The following ESRRG variants were observed in gnomAD, a reference collection of about 807,000 sequenced individuals.
The protein encoded by ESRRG is estrogen-related receptor gamma.
ESRRG carries 13 observed loss-of-function variants against 44.0 expected under a neutral mutation model. The observed-to-expected ratio is 0.30, with a 90% CI of 0.19 to 0.47. The LOEUF (loss-of-function observed/expected upper bound fraction) is 0.47, where lower values mean the gene tolerates loss of function less well. ESRRG is among the 20% of genes least tolerant of loss of function. ESRRG has a pLI of 1.00. For missense variants in ESRRG, 395 were observed against 580.6 expected (o/e 0.68, Z 3.29); for synonymous variants, 215 against 214.6 (o/e 1.00, Z -0.02).
intron 1 of ESRRG, among the ~76,000 whole-genome samples, chr1:216,959,021 A>G (rs1167969436): frequency 6.6e-6 from 1 of 151,902 alleles, no homozygotes; most frequent in African/African-American, 2.4e-5. Context: ...TTATTTTTAC[A>G]CTTATTTTTA....
chr1:216,896,232 T>C (rs1454885842), intron 2 of ESRRG, among the ~76,000 whole-genome samples: 2 of 152,232 alleles, frequency 1.3e-5, no homozygotes, highest in African/African-American at 4.8e-5. Flanking sequence ...CTCATGTTAC[T>C]GGAAACATCT....
intron 2 of ESRRG, among the ~76,000 whole-genome samples, chr1:216,757,300 G>C (rs1424138523): frequency 6.6e-6 from 1 of 151,874 alleles, no homozygotes; most frequent in East Asian, 1.9e-4. Flanking sequence ...ACTTCTGATG[G>C]GAGACTGACA....
intron 2 of ESRRG, among the ~76,000 whole-genome samples, chr1:216,664,807 C>T (rs767096777): frequency 2.0e-5 from 3 of 151,786 alleles, no homozygotes; most frequent in Non-Finnish European, 2.9e-5. Context: ...GAAAACAGTA[C>T]GGGAGTTCTT....
intron 3 of ESRRG, among the ~76,000 whole-genome samples, chr1:216,609,125 C>A (rs983599207): frequency 6.6e-6 from 1 of 152,054 alleles, no homozygotes; most frequent in African/African-American, 2.4e-5. Context: ...ATGTTCATAC[C>A]AGCTGTGCTT....
intron 1 of ESRRG, among the ~76,000 whole-genome samples, chr1:216,955,389 T>C (rs1424717259): frequency 6.6e-6 from 1 of 152,224 alleles, no homozygotes; most frequent in African/African-American, 2.4e-5. Context: ...TTTTTATGGC[T>C]GGATGGTATT....
At chr1:217,039,636 T>C (rs768699509) in intron 1 of ESRRG, among the ~76,000 whole-genome samples, 1 of 152,208 alleles carries the variant, frequency 6.6e-6, no homozygotes, top group East Asian at 1.9e-4. Flanking sequence ...GTGGGAACCA[T>C]GGGAGCCACA....
At chr1:216,711,561 T>C (rs59779978) in intron 1 of ESRRG, among the ~76,000 whole-genome samples, 2,920 of 152,296 alleles carry the variant, frequency 0.019, 91 homozygotes, top group African/African-American at 0.067. Flanking sequence ...ATAGGAGGTT[T>C]CTCTGGCATT....
intron 1 of ESRRG, among the ~76,000 whole-genome samples, chr1:217,067,872 C>G (rs949765165): frequency 6.6e-6 from 1 of 152,166 alleles, no homozygotes; most frequent in Non-Finnish European, 1.5e-5. Flanking sequence ...AACACTGACA[C>G]CCACATTTTG....
chr1:216,669,993 C>T (rs779507649), intron 2 of ESRRG, among the ~76,000 whole-genome samples: 8 of 152,126 alleles, frequency 5.3e-5, no homozygotes, highest in African/African-American at 1.2e-4. Context: ...ATAATCACTG[C>T]GATTCATCAA....
intron 5 of ESRRG, among the ~76,000 whole-genome samples, chr1:216,522,855 T>C (rs931652828): frequency 6.6e-6 from 1 of 152,186 alleles, no homozygotes; most frequent in Admixed American, 6.5e-5. Context: ...TACACATGCT[T>C]GTATCCAAAT....
chr1:217,021,265 C>A (rs1460211957), intron 1 of ESRRG, among the ~76,000 whole-genome samples: 1 of 152,172 alleles, frequency 6.6e-6, no homozygotes, highest in African/African-American at 2.4e-5. Flanking sequence ...GAGCCATTCA[C>A]AATCTCTCAC....
At chr1:217,043,395 GTTTGTGTCAT>G (rs750893460) in intron 1 of ESRRG, among the ~76,000 whole-genome samples, 4 of 152,130 alleles carry the variant, frequency 2.6e-5, no homozygotes, top group Non-Finnish European at 2.9e-5. Flanking sequence ...AACCTGAAAA[GTTTGTGTCAT>G]TTTCAAAGCC....
At chr1:216,676,037 T>A (rs1040216649) in intron 2 of ESRRG, among the ~76,000 whole-genome samples, 2 of 152,200 alleles carry the variant, frequency 1.3e-5, no homozygotes. Flanking sequence ...TGTCCATAAC[T>A]GGTTGTTAGG....
chr1:216,894,080 G>A lies in ESRRG; in HGVS notation c.-14+45502C>T, dbSNP rs1044658473. ...ACCTCCTGACCTGGAACAGAGGCAA[G>A]TGATTTTCATTGTGTTTATACTGTG... On this transcript the variant is annotated intron_variant, in intron 2 of 7. Coordinates refer to the ESRRG transcript ENST00000359162. Among the ~76,000 whole-genome samples the A allele has an allele frequency of 2.0e-5, 3 of 152,176 alleles. No homozygotes were observed. In the East Asian group the frequency reaches 5.8e-4, roughly 29 times the overall value.
chr1:216,653,328 C>A (rs151166535), intron 2 of ESRRG, among the ~76,000 whole-genome samples: 1 of 152,130 alleles, frequency 6.6e-6, no homozygotes, highest in African/African-American at 2.4e-5. Flanking sequence ...TGTGGCATAC[C>A]GCTGTCATCT....
chr1:216,955,754 G>T (rs1332349652), intron 1 of ESRRG, among the ~76,000 whole-genome samples: 1 of 152,064 alleles, frequency 6.6e-6, no homozygotes, highest in East Asian at 1.9e-4. Context: ...GAAGCGAAAT[G>T]ATATCTCGTT....
intron 5 of ESRRG, among the ~76,000 whole-genome samples, chr1:216,536,130 T>C (rs1265385145): frequency 6.6e-6 from 1 of 152,140 alleles, no homozygotes; most frequent in Admixed American, 6.6e-5. Context: ...ATCCTTTTAA[T>C]GTAATACTTT....
intron 2 of ESRRG, chr1:216,863,485 A>G (rs2096088769): frequency 6.6e-6 from 1 of 152,260 alleles, no homozygotes; most frequent in African/African-American, 2.4e-5. Flanking sequence ...TGCAGAATTC[A>G]CTGGCATAGA....
intron 2 of ESRRG, among the ~76,000 whole-genome samples, chr1:216,749,149 T>A (rs2091753991): frequency 1.3e-5 from 2 of 149,336 alleles, no homozygotes; most frequent in Admixed American, 1.3e-4. Context: ...GTCTAAATAT[T>A]TTTTTTTTTG....
Sources: allele counts gnomAD v4.1 joint callset (sites outside exome capture counted in the v4.1 genomes callset), GRCh38; gene constraint gnomAD v4.1.1; transcripts MANE v1.5; gene names NCBI Gene and HGNC (gene_info 2026-07-23, HGNC 2026-07-21).